SLC35F3: variants seen among roughly 807,000 people sequenced by gnomAD.
SLC35F3 encodes the protein solute carrier family 35 member F3.
A neutral mutation model predicts 49.9 loss-of-function variants in SLC35F3; 25 were observed. The ratio of observed to expected loss-of-function variants is 0.50; its 90% CI spans 0.37 to 0.70. The LOEUF is 0.70. Among genes scored for constraint, SLC35F3 ranks in the 30% least tolerant of loss-of-function variants. The probability of loss-of-function intolerance (pLI) is 0.00; values close to 1 mark genes in which losing one functional copy is unlikely to be tolerated. For missense variants in SLC35F3, 525 were observed against 639.8 expected, an observed-to-expected ratio of 0.82 and a Z score of 1.94; for synonymous variants, 275 against 265.4, an observed-to-expected ratio of 1.04 and a Z score of -0.35.
At chr1:234,182,900 A>AAAGGAGCAC (rs1348184387) in intron 2 of SLC35F3, among the ~76,000 whole-genome samples, 9 of 144,258 alleles carry the variant, frequency 6.2e-5, no homozygotes, top group Admixed American at 7.6e-5. Flanking sequence ...TTTCTATACA[A>AAAGGAGCAC]TCATTGGTCT....
intron 3 of SLC35F3, among the ~76,000 whole-genome samples, chr1:234,295,681 T>C (rs1668581161): frequency 6.6e-6 from 1 of 152,242 alleles, no homozygotes; most frequent in Admixed American, 6.5e-5. Context: ...GTTAAACAAT[T>C]ATTTGAAAAT....
chr1:233,951,671 T>A (rs983247950), intron 2 of SLC35F3, among the ~76,000 whole-genome samples: 1 of 152,100 alleles, frequency 6.6e-6, no homozygotes, highest in Non-Finnish European at 1.5e-5. Context: ...CAGTTTCTCC[T>A]GGGATATTTT....
chr1:234,082,665 G>GA, intron 2 of SLC35F3, among the ~76,000 whole-genome samples: 1 of 152,268 alleles, frequency 6.6e-6, no homozygotes, highest in Middle Eastern at 3.4e-3. Context: ...AATTTATAAA[G>GA]AAAAAGAGGT....
At chr1:233,954,030 G>A (rs1350776855) in intron 2 of SLC35F3, among the ~76,000 whole-genome samples, 2 of 147,694 alleles carry the variant, frequency 1.4e-5, no homozygotes, top group African/African-American at 2.5e-5. Context: ...TTTTTGAGAC[G>A]GAGTCTCGCT....
At chr1:233,973,398 G>A (rs1027734124) in intron 2 of SLC35F3, among the ~76,000 whole-genome samples, 4 of 152,184 alleles carry the variant, frequency 2.6e-5, no homozygotes, top group Admixed American at 6.6e-5. Flanking sequence ...CAGTAATCCC[G>A]CAATCTTGAA....
intron 2 of SLC35F3, among the ~76,000 whole-genome samples, chr1:233,990,070 A>G (rs1317099279): frequency 6.6e-6 from 1 of 152,280 alleles, no homozygotes; most frequent in South Asian, 2.1e-4. Flanking sequence ...AAAAATAATG[A>G]TGTGTTATTC....
At chr1:233,938,003 C>A (rs1319301419) in intron 2 of SLC35F3, among the ~76,000 whole-genome samples, 1 of 152,148 alleles carries the variant, frequency 6.6e-6, no homozygotes, top group African/African-American at 2.4e-5. Context: ...TGACAATAGT[C>A]ATTAAATTAT....
intron 2 of SLC35F3, among the ~76,000 whole-genome samples, chr1:233,936,777 C>T (rs1662341436): frequency 6.6e-6 from 1 of 152,056 alleles, no homozygotes; most frequent in Non-Finnish European, 1.5e-5. Context: ...CAGCCTTGAC[C>T]TCCCAGGCTT....
chr1:234,024,954 T>G (rs765412159), intron 2 of SLC35F3, among the ~76,000 whole-genome samples: 1 of 152,230 alleles, frequency 6.6e-6, no homozygotes, highest in Non-Finnish European at 1.5e-5. Context: ...GGTAATTTTC[T>G]AATCCTTACC....
intron 2 of SLC35F3, among the ~76,000 whole-genome samples, chr1:234,061,373 T>C (rs748766184): frequency 2.0e-5 from 3 of 152,166 alleles, no homozygotes; most frequent in African/African-American, 7.2e-5. Flanking sequence ...AGTTTTCTCT[T>C]TCTGCTTTCA....
chr1:234,136,155 C>G (rs894456402), intron 2 of SLC35F3, among the ~76,000 whole-genome samples: 6 of 151,996 alleles, frequency 3.9e-5, no homozygotes, highest in Non-Finnish European at 7.4e-5. Flanking sequence ...TTCCCCATAG[C>G]ACCCTCCACC....
At chr1:234,153,855 C>T (rs1431116353) in intron 2 of SLC35F3, among the ~76,000 whole-genome samples, 1 of 151,706 alleles carries the variant, frequency 6.6e-6, no homozygotes, top group African/African-American at 2.4e-5. Context: ...GGGCGGATCA[C>T]GAGGTCAGGA....
intron 3 of SLC35F3, among the ~76,000 whole-genome samples, chr1:234,254,824 T>TA (rs1383982306): frequency 6.6e-6 from 1 of 152,210 alleles, no homozygotes; most frequent in Non-Finnish European, 1.5e-5. Context: ...AATTTCTTTA[T>TA]AAAAATATGC....
intron 3 of SLC35F3, among the ~76,000 whole-genome samples, chr1:234,301,830 A>G (rs958911691): frequency 2.0e-5 from 3 of 152,276 alleles, no homozygotes; most frequent in Non-Finnish European, 2.9e-5. Context: ...AAAGTGCAGT[A>G]CATATACACC....
At chr1:234,066,409 C>G (rs1233762204) in intron 2 of SLC35F3, among the ~76,000 whole-genome samples, 2 of 152,098 alleles carry the variant, frequency 1.3e-5, no homozygotes, top group Non-Finnish European at 2.9e-5. Flanking sequence ...CCCAACTACG[C>G]TGGCCTCATT....
chr1:233,924,013 A>G (rs991302798), intron 2 of SLC35F3, among the ~76,000 whole-genome samples: 1 of 152,168 alleles, frequency 6.6e-6, no homozygotes, highest in African/African-American at 2.4e-5. Flanking sequence ...CGTGGTGGAT[A>G]AGCTTTTTGA....
intron 2 of SLC35F3, among the ~76,000 whole-genome samples, chr1:233,952,906 G>C (rs1316419818): frequency 6.6e-6 from 1 of 151,864 alleles, no homozygotes; most frequent in Non-Finnish European, 1.5e-5. Context: ...TTGTTGCTTT[G>C]GGATGATTTC....
At chr1:233,991,654 C>T (rs1049573786) in intron 2 of SLC35F3, among the ~76,000 whole-genome samples, 1 of 151,956 alleles carries the variant, frequency 6.6e-6, no homozygotes. Flanking sequence ...TACTTATGAC[C>T]ACTACAAGTA....
intron 3 of SLC35F3, among the ~76,000 whole-genome samples, chr1:234,300,210 A>C (rs1418573024): frequency 1.3e-5 from 2 of 152,166 alleles, no homozygotes; most frequent in Non-Finnish European, 2.9e-5. Context: ...ACGCAGTGCT[A>C]CTGGGGGAAA....
Sources: allele counts gnomAD v4.1 joint callset (sites outside exome capture counted in the v4.1 genomes callset), GRCh38; gene constraint gnomAD v4.1.1; transcripts MANE v1.5; gene names NCBI Gene and HGNC (gene_info 2026-07-23, HGNC 2026-07-21).